ZCWPW2: variants seen among roughly 807,000 people sequenced by gnomAD.
ZCWPW2 encodes zinc finger CW-type PWWP domain protein 2.
In ZCWPW2, 45 loss-of-function variants were observed where a neutral mutation model predicts 46.6. The observed-to-expected ratio is 0.96, with a 90% CI of 0.76 to 1.24. ZCWPW2 has a LOEUF of 1.24. Among genes scored for constraint, ZCWPW2 ranks in the 50% most tolerant of loss-of-function variants. ZCWPW2 has a pLI of 0.00. For missense variants in ZCWPW2, 429 were observed against 403.9 expected (o/e 1.06, Z -0.53); for synonymous variants, 152 against 137.1 (o/e 1.11, Z -0.76).
chr3:28,509,142 C>G (rs903668233), intron 6 of ZCWPW2, among the ~76,000 whole-genome samples: 3 of 152,088 alleles, frequency 2.0e-5, no homozygotes, highest in African/African-American at 7.2e-5. Flanking sequence ...GTTCACTTTT[C>G]ATCTATATTG....
intron 1 of ZCWPW2, among the ~76,000 whole-genome samples, chr3:28,356,752 G>A (rs1034478213): frequency 6.6e-6 from 1 of 152,132 alleles, no homozygotes; most frequent in African/African-American, 2.4e-5. Context: ...ACTCTCGCAA[G>A]GACAGTAAAC....
intron 4 of ZCWPW2, among the ~76,000 whole-genome samples, chr3:28,456,264 T>C (rs1424391062): frequency 6.6e-6 from 1 of 152,176 alleles, no homozygotes; most frequent in East Asian, 1.9e-4. Context: ...GGGAATTCAT[T>C]TGCGATTTTG....
At chr3:28,521,185 A>G in intron 9 of ZCWPW2, 69 bp downstream of exon 9, 1 of 1,489,996 alleles carries the variant, frequency 6.7e-7, no homozygotes, top group East Asian at 2.6e-5. Context: ...AATTGTTCCT[A>G]GTTGTACATT....
intron 1 of ZCWPW2, among the ~76,000 whole-genome samples, chr3:28,376,027 T>G (rs1705491624): frequency 6.6e-6 from 1 of 152,138 alleles, no homozygotes; most frequent in Non-Finnish European, 1.5e-5. Context: ...CCACATTTTC[T>G]TTATCCATTC....
In ZCWPW2 at chr3:28,413,447, G is replaced by T. The variant is rs557433253; in HGVS notation, c.332+47G>T. 1.5e-4 allele frequency: 215 copies of T among 1,428,362 alleles called. No homozygotes were observed. In the South Asian group the frequency reaches 3.2e-3, roughly 21 times the overall value. The allele number at this position is 1,428,362 out of a possible 1,614,324, so 88.5% of individuals were successfully genotyped here. A position where few individuals can be genotyped will look rare whatever the true frequency, so the allele number is the denominator to read the frequency against. Reference sequence around the variant, plus strand: ...GACTTTTGAAATGTAGTCTTGCTAGGTTTATGAATATTAAAAATCTTTTTG... The same window carrying T: ...GACTTTTGAAATGTAGTCTTGCTAGTTTTATGAATATTAAAAATCTTTTTG... On this transcript the variant is annotated intron_variant, in intron 3 of 9. Transcript: ENST00000383768.
intron 6 of ZCWPW2, among the ~76,000 whole-genome samples, chr3:28,499,582 T>A (rs1460569945): frequency 6.6e-6 from 1 of 152,156 alleles, no homozygotes; most frequent in Non-Finnish European, 1.5e-5. Context: ...GCAAGAAATT[T>A]CTCCCATTCT....
At chr3:28,458,763 A>G (rs888753562) in intron 4 of ZCWPW2, among the ~76,000 whole-genome samples, 3 of 152,202 alleles carry the variant, frequency 2.0e-5, no homozygotes, top group Non-Finnish European at 4.4e-5. Flanking sequence ...TAATTCAGCC[A>G]ACCTGATTAA....
chr3:28,435,586 C>A (rs977936451), intron 4 of ZCWPW2, among the ~76,000 whole-genome samples: 2 of 150,464 alleles, frequency 1.3e-5, no homozygotes, highest in African/African-American at 2.4e-5. Flanking sequence ...CCTGGGTTCA[C>A]GCCATTCTCC....
At chr3:28,431,611 C>T (rs1697261382) in intron 3 of ZCWPW2, among the ~76,000 whole-genome samples, 1 of 151,358 alleles carries the variant, frequency 6.6e-6, no homozygotes. Flanking sequence ...GAAGCTAGGA[C>T]TTCAGCATAC....
rs77468139 is a variant in ZCWPW2, at chr3:28,356,534, A to C, written c.-134+7331A>C. 7.2e-5 allele frequency among the ~76,000 whole-genome samples: 11 copies of C among 152,300 alleles called. No homozygotes were observed. In the East Asian group the frequency reaches 2.1e-3, roughly 29 times the overall value. On this transcript the variant is annotated intron_variant, in intron 1 of 9. Coordinates refer to ENST00000383768, the MANE Select transcript of ZCWPW2 (RefSeq NM_001040432.4). ...TACCGAAAGGATTATAAATCATGCT[A>C]CTCTAAAGACACATGCACACATATG...
At chr3:28,407,460 A>G (rs2125735278) in intron 2 of ZCWPW2, among the ~76,000 whole-genome samples, 1 of 152,288 alleles carries the variant, frequency 6.6e-6, no homozygotes, top group South Asian at 2.1e-4. Flanking sequence ...CATTTATTCA[A>G]AAAACATTGA....
intron 6 of ZCWPW2, among the ~76,000 whole-genome samples, chr3:28,503,244 T>G (rs1460395182): frequency 6.6e-6 from 1 of 152,160 alleles, no homozygotes; most frequent in Admixed American, 6.6e-5. Context: ...AACAAAATCT[T>G]CCTCAAGTAC....
At chr3:28,422,985 C>A (rs1274101382) in intron 3 of ZCWPW2, among the ~76,000 whole-genome samples, 2 of 151,928 alleles carry the variant, frequency 1.3e-5, no homozygotes, top group African/African-American at 4.8e-5. Flanking sequence ...TGCTTATTTG[C>A]CATCTTGTAT....
At chr3:28,469,164 T>C (rs1358784179) in intron 4 of ZCWPW2, among the ~76,000 whole-genome samples, 1 of 152,092 alleles carries the variant, frequency 6.6e-6, no homozygotes, top group African/African-American at 2.4e-5. Context: ...CAGCTTAAAA[T>C]AATGGGTTAT....
intron 1 of ZCWPW2, among the ~76,000 whole-genome samples, chr3:28,355,709 A>G (rs1476111966): frequency 6.6e-6 from 1 of 152,242 alleles, no homozygotes; most frequent in Non-Finnish European, 1.5e-5. Context: ...ATCTACAACC[A>G]TCTGATCTTT....
At chr3:28,391,758 A>G (rs1255112941) in intron 2 of ZCWPW2, among the ~76,000 whole-genome samples, 1 of 152,132 alleles carries the variant, frequency 6.6e-6, no homozygotes, top group East Asian at 1.9e-4. Flanking sequence ...GCCACTGCAG[A>G]CACCCAGAGA....
At chr3:28,503,230 A>G (rs1381367271) in intron 6 of ZCWPW2, among the ~76,000 whole-genome samples, 2 of 152,162 alleles carry the variant, frequency 1.3e-5, no homozygotes, top group Non-Finnish European at 2.9e-5. Context: ...GCCGTTTTTT[A>G]AGAAACAAAA....
intron 4 of ZCWPW2, among the ~76,000 whole-genome samples, chr3:28,458,380 T>C (rs1698502265): frequency 6.6e-6 from 1 of 152,208 alleles, no homozygotes; most frequent in African/African-American, 2.4e-5. Context: ...TTTAAAATAT[T>C]AGGTTCATTA....
intron 2 of ZCWPW2, among the ~76,000 whole-genome samples, chr3:28,391,353 CCACACACACACACACACACACACATGCA>C (rs72196809): frequency 0.22 from 33,427 of 148,628 alleles, 4,175 homozygotes; most frequent in Middle Eastern, 0.3. Context: ...CCTCTCCCTG[CCACACACACACACACACACACACATGCA>C]CACACACACA....
Sources: allele counts gnomAD v4.1 joint callset (sites outside exome capture counted in the v4.1 genomes callset), GRCh38; gene constraint gnomAD v4.1.1; transcripts MANE v1.5; gene names NCBI Gene and HGNC (gene_info 2026-07-23, HGNC 2026-07-21).